The following SLIRP variants were observed in gnomAD, a reference collection of about 807,000 sequenced individuals.
The protein encoded by SLIRP is SRA stem-loop interacting RNA binding protein, also known as SRA stem-loop-interacting RNA-binding protein, mitochondrial.
In SLIRP, 12 loss-of-function variants were observed where a neutral mutation model predicts 13.4. That is an observed-to-expected ratio of 0.89 (90% confidence interval 0.57 to 1.45). The LOEUF is 1.45. Among genes scored for constraint, SLIRP ranks in the 40% most tolerant of loss-of-function variants. SLIRP has a pLI of 0.00. For synonymous variants in SLIRP, 55 were observed against 47.1 expected (o/e 1.17, Z -0.69); for missense variants, 154 against 132.2 (o/e 1.17, Z -0.81).
At position 77,714,782 on chromosome 14, in the gene SLIRP, G is replaced by GT. The variant is rs200785012; in HGVS notation, c.157-982dup. Among the ~76,000 whole-genome samples the GT allele has an allele frequency of 3.6e-4, 54 of 151,892 alleles. No homozygotes were observed. The South Asian group carries it at 6.5e-3, about 18-fold the overall frequency. On this transcript the variant is annotated intron_variant, in intron 2 of 3. Coordinates refer to ENST00000557342, the MANE Select transcript of SLIRP (RefSeq NM_031210.6). Reference sequence around the variant, plus strand: ...AGTAGAGGAGCAATTGTAAGATTTTGTTTTTTTTGGCAAAGCACAGCATGA... The same window carrying GT: ...AGTAGAGGAGCAATTGTAAGATTTTGTTTTTTTTTGGCAAAGCACAGCATGA...
chr14:77,711,232 C>A (rs1174707275), intron 2 of SLIRP, among the ~76,000 whole-genome samples: 2 of 146,908 alleles, frequency 1.4e-5, no homozygotes, highest in African/African-American at 5.0e-5. Context: ...TAAATATATA[C>A]ACCTAATAAT....
At chr14:77,713,777 A>G (rs2139879482) in intron 2 of SLIRP, among the ~76,000 whole-genome samples, 1 of 152,316 alleles carries the variant, frequency 6.6e-6, no homozygotes, top group East Asian at 1.9e-4. Flanking sequence ...GGGCACATGT[A>G]TTATGGACAT....
intron 1 of SLIRP, 61 bp downstream of exon 1, chr14:77,708,269 T>C: frequency 1.3e-6 from 2 of 1,550,206 alleles, no homozygotes; most frequent in South Asian, 1.1e-5. Flanking sequence ...TCAAAGCTTC[T>C]GCTTTTTGCA....
chr14:77,717,564 C>G lies in SLIRP; in HGVS notation c.*3C>G. On this transcript the variant is annotated 3_prime_UTR_variant, in exon 4 of 4. Coordinates refer to ENST00000557342, the MANE Select transcript of SLIRP (RefSeq NM_031210.6). ...ATGATGAAAAGAAAGATTTTTGAGA[C>G]TGCAGCCTATTAATAAAGTTAACAT... 6.2e-7 allele frequency: 1 copy of G among 1,611,814 alleles called. No homozygotes were observed. Among genetic ancestry groups the G allele is most frequent in the Non-Finnish European group, 8.5e-7 (1 of 1,178,532 alleles).
chr14:77,717,538 G>C lies in SLIRP; in HGVS notation c.307G>C (p.Asp103His). ...AAGGCCAAAACTTCCGCAAACATCT[G>C]ATGATGAAAAGAAAGATTTTTGAGA... is the stretch of plus-strand genomic sequence containing the variant. ...TRRPKLPQTS[D>H]DEKKDF Residue 103 changes from aspartate (D) to histidine (H), a missense_variant, in exon 4 of 4, where the codon GAT (aspartate) becomes CAT (histidine). Physicochemically the swap from Asp to His is moderately conservative, Grantham distance 81. Transcript: ENST00000557342. 1 of 1,614,028 alleles carries C rather than the reference G, an allele frequency of 6.2e-7. No individual in the cohort carries two copies. Among genetic ancestry groups the C allele is most frequent in the African/African-American group, 1.3e-5 (1 of 75,052 alleles).
At chr14:77,712,095 C>T (rs2080444980) in intron 2 of SLIRP, 3 of 152,090 alleles carry the variant, frequency 2.0e-5, no homozygotes, top group Admixed American at 2.0e-4. Context: ...ATACCACAAG[C>T]GTAATGGCTC....
chr14:77,711,369 C>T (rs1321509580), intron 2 of SLIRP, among the ~76,000 whole-genome samples: 3 of 151,996 alleles, frequency 2.0e-5, no homozygotes, highest in Non-Finnish European at 4.4e-5. Flanking sequence ...CTCGCTCTGT[C>T]CCCCTGCAGG....
intron 2 of SLIRP, among the ~76,000 whole-genome samples, chr14:77,715,245 C>CTA (rs1466024273): frequency 6.6e-5 from 10 of 152,074 alleles, no homozygotes; most frequent in Admixed American, 3.3e-4. Context: ...CCCGTATCTT[C>CTA]TCTAATGGCA....
At chr14:77,710,440 A>T in intron 1 of SLIRP, 1 of 557,948 alleles carries the variant, frequency 1.8e-6, no homozygotes, top group Admixed American at 2.4e-5. Context: ...AACTCAACAC[A>T]TTTTACTAAA....
chr14:77,716,573 CAG>C (rs1323555964), intron 3 of SLIRP, among the ~76,000 whole-genome samples: 2 of 133,816 alleles, frequency 1.5e-5, no homozygotes, highest in South Asian at 2.5e-4. Flanking sequence ...ACCCAAGAGA[CAG>C]AGGTTGCAGT....
chr14:77,708,551 G>T (rs778054899), intron 1 of SLIRP, among the ~76,000 whole-genome samples: 26 of 152,176 alleles, frequency 1.7e-4, no homozygotes, highest in East Asian at 3.8e-4. Context: ...GAGCTAAAAG[G>T]CAATTTCATT....
At chr14:77,711,555 T>A (rs1031199650) in intron 2 of SLIRP, among the ~76,000 whole-genome samples, 5 of 152,006 alleles carry the variant, frequency 3.3e-5, no homozygotes, top group East Asian at 1.9e-4. Flanking sequence ...AAAATTTTTT[T>A]AATTTTCATT....
chr14:77,708,237 A>C, intron 1 of SLIRP, 29 bp downstream of exon 1: 1 of 1,606,026 alleles, frequency 6.2e-7, no homozygotes, highest in Non-Finnish European at 8.5e-7. Flanking sequence ...GGAGTAGTGG[A>C]ATTTTTAGGT....
At chr14:77,708,326 G>A in intron 1 of SLIRP, 118 bp downstream of exon 1, 1 of 984,466 alleles carries the variant, frequency 1.0e-6, no homozygotes, top group East Asian at 2.5e-5. Context: ...CTGCTCCTGA[G>A]CATGCAAGTG....
At chr14:77,716,642 C>CAAAA (rs56736320) in intron 3 of SLIRP, among the ~76,000 whole-genome samples, 5 of 80,968 alleles carry the variant, frequency 6.2e-5, no homozygotes, top group Admixed American at 1.5e-4. Flanking sequence ...AACTCCATCT[C>CAAAA]AAAAAAAAAA....
intron 1 of SLIRP, among the ~76,000 whole-genome samples, chr14:77,708,678 G>A (rs1461947079): frequency 6.6e-6 from 1 of 152,324 alleles, no homozygotes; most frequent in South Asian, 2.1e-4. Context: ...AGTGGGAGAA[G>A]TGTACGGAAT....
intron 2 of SLIRP, 57 bp downstream of exon 2, chr14:77,710,953 A>G: frequency 1.4e-6 from 2 of 1,424,792 alleles, no homozygotes; most frequent in Non-Finnish European, 9.9e-7. Flanking sequence ...TACAAAAAAA[A>G]TAGAATGAAT....
chr14:77,711,810 C>T (rs983999345), intron 2 of SLIRP: 3 of 152,280 alleles, frequency 2.0e-5, no homozygotes, highest in East Asian at 3.9e-4. Context: ...CCGCACACCT[C>T]GGCCTCCCAA....
intron 1 of SLIRP, chr14:77,710,629 C>G: frequency 2.0e-6 from 3 of 1,521,634 alleles, no homozygotes; most frequent in Non-Finnish European, 2.6e-6. Context: ...CTGCAGCCAA[C>G]TCAACAACTT....
Sources: allele counts gnomAD v4.1 joint callset (sites outside exome capture counted in the v4.1 genomes callset), GRCh38; gene constraint gnomAD v4.1.1; transcripts MANE v1.5; gene names NCBI Gene and HGNC (gene_info 2026-07-23, HGNC 2026-07-21).